Variants in TRAF7 observed in about 807,000 individuals in gnomAD.
The protein encoded by TRAF7 is E3 ubiquitin-protein ligase TRAF7.
A neutral mutation model predicts 89.3 loss-of-function variants in TRAF7; 45 were observed. That is an observed-to-expected ratio of 0.50 (90% CI 0.40 to 0.65). The LOEUF (loss-of-function observed/expected upper bound fraction) is 0.65, where lower values mean the gene tolerates loss of function less well. Ranked by LOEUF, TRAF7 falls within the 30% of genes least tolerant of loss-of-function variation. The pLI, the probability that TRAF7 is intolerant of heterozygous loss-of-function variation, is 0.00. For synonymous variants in TRAF7, 406 were observed against 369.2 expected (o/e 1.10, Z -1.14); for missense variants, 677 against 918.1 (o/e 0.74, Z 3.39).
intron 14 of TRAF7, among the ~76,000 whole-genome samples, chr16:2,174,773 GCAAGTAA>G (rs2093128434): frequency 6.6e-6 from 1 of 152,218 alleles, no homozygotes; most frequent in Non-Finnish European, 1.5e-5. Flanking sequence ...GTGGGAGCGA[GCAAGTAA>G]GCGTGTGCGT....
chr16:2,164,419 C>G (rs1162491736), intron 2 of TRAF7, among the ~76,000 whole-genome samples: 1 of 142,648 alleles, frequency 7.0e-6, no homozygotes, highest in African/African-American at 2.7e-5. Flanking sequence ...CGTGTGAGTG[C>G]TGCGTGGCCT....
At chr16:2,171,632 G>A in intron 7 of TRAF7, 27 bp downstream of exon 7, 2 of 1,613,060 alleles carry the variant, frequency 1.2e-6, no homozygotes, top group Non-Finnish European at 1.7e-6. Flanking sequence ...GCCCAGGCCT[G>A]ACGCCGACCG....
Position 2,176,329 on chromosome 16 carries a change from C to A in TRAF7, c.1943C>A (p.Ala648Glu). Residue 648 changes from alanine (A) to glutamate (E), a missense_variant, in exon 20 of 21, where the codon GCG (alanine) becomes GAG (glutamate). Around this residue, in one of 6 missense-constraint regions of TRAF7, gnomAD observed 23 missense variants for 31.7 expected, o/e 0.73. Transcript: ENST00000326181. ...CTGCGTCACCAGGGCAGTGTCACCG[C>A]GCTGGCTGTGTCCCGGGGCCGACTC... Reference protein sequence around the residue: ...TLLRHQGSVTALAVSRGRLFS... With the variant: ...TLLRHQGSVTELAVSRGRLFS... 6.2e-7 allele frequency: 1 copy of A among 1,604,688 alleles called. No homozygotes were observed. Among genetic ancestry groups the A allele is most frequent in the African/African-American group, 1.3e-5 (1 of 75,034 alleles).
intron 2 of TRAF7, 50 bp from the exon 3 acceptor site, chr16:2,165,829 T>C: frequency 6.2e-7 from 1 of 1,611,428 alleles, no homozygotes; most frequent in Non-Finnish European, 8.5e-7. Flanking sequence ...CATGTGCACG[T>C]CCTCCTTGTG....
At chr16:2,160,162 G>C (rs1170322021) in intron 1 of TRAF7, among the ~76,000 whole-genome samples, 5 of 152,050 alleles carry the variant, frequency 3.3e-5, no homozygotes, top group African/African-American at 4.8e-5. Context: ...CTACGTGAAT[G>C]TGGGGTGGAC....
intron 1 of TRAF7, among the ~76,000 whole-genome samples, chr16:2,156,450 A>G (rs2093034978): frequency 6.6e-6 from 1 of 152,126 alleles, no homozygotes; most frequent in African/African-American, 2.4e-5. Context: ...GATTGACAAT[A>G]GGTAGTTAAA....
At chr16:2,172,813 A>G (rs2093118748) in intron 9 of TRAF7, among the ~76,000 whole-genome samples, 1 of 144,966 alleles carries the variant, frequency 6.9e-6, no homozygotes, top group South Asian at 2.2e-4. Context: ...CAGCCGGCCC[A>G]GCATGGGCGG....
rs760163393 is a variant in TRAF7 at position 2,177,438 on chromosome 16, A to C, written c.*864A>C. 4 of 232,754 alleles carry C rather than the reference A, an allele frequency of 1.7e-5. No homozygotes were observed. The highest frequency in any genetic ancestry group is 3.4e-5 in the Non-Finnish European group (4 of 117,784). The allele number at this position is 232,754 out of a possible 1,614,324, so 14.4% of individuals were successfully genotyped here. A position where few individuals can be genotyped will look rare whatever the true frequency, so the allele number is the denominator to read the frequency against. On this transcript the variant is annotated 3_prime_UTR_variant, in exon 21 of 21. Transcript: ENST00000326181. ...CATTTTTTAAATTTTTTTTTTAAGA[A>C]ACGTCAAAGTTGTGCCCAACACTGT...
At chr16:2,165,289 G>A (rs868624605) in intron 2 of TRAF7, among the ~76,000 whole-genome samples, 7 of 111,292 alleles carry the variant, frequency 6.3e-5, no homozygotes, top group African/African-American at 1.9e-4. Flanking sequence ...GCTGCGTGGC[G>A]CGGCCTGGTC....
Position 2,159,134 on chromosome 16 carries a change from C to G in TRAF7, c.-39+3276C>G, listed in dbSNP as rs889508368. On this transcript the variant is annotated intron_variant, in intron 1 of 20. Transcript: ENST00000326181. The surrounding 1 kb of genome is among the most constrained non-coding windows in gnomAD (Gnocchi z 6.5). Reference sequence around the variant, plus strand: ...AGCCTTGGCCGAGCTGTGGGGACCCCCTCCCTGGAGCAGAGGGAGATACGG... The same window carrying G: ...AGCCTTGGCCGAGCTGTGGGGACCCGCTCCCTGGAGCAGAGGGAGATACGG... Among the ~76,000 whole-genome samples the G allele has an allele frequency of 6.6e-6, 1 of 152,206 alleles. No homozygotes were observed.
At position 2,158,771 on chromosome 16, in the gene TRAF7, G is replaced by A. The variant is rs537875769; in HGVS notation, c.-39+2913G>A. ...GGACTGGGAAGCGTGGGCTCGGCGG[G>A]GGGGGGGGGGACACTGCCACCCTTG... On this transcript the variant is annotated intron_variant, in intron 1 of 20. Coordinates refer to ENST00000326181, the MANE Select transcript of TRAF7 (RefSeq NM_032271.3). The surrounding 1 kb of genome is among the most constrained non-coding windows in gnomAD (Gnocchi z 4.7). Among the ~76,000 whole-genome samples the A allele has an allele frequency of 2.7e-5, 4 of 147,084 alleles. No individual in the cohort carries two copies. Among genetic ancestry groups the A allele is most frequent in the Admixed American group, 6.7e-5 (1 of 14,910 alleles).
chr16:2,157,697 G>T (rs955507312), intron 1 of TRAF7, among the ~76,000 whole-genome samples: 1 of 152,102 alleles, frequency 6.6e-6, no homozygotes, highest in Non-Finnish European at 1.5e-5. Context: ...AGAGCCTCCT[G>T]GCCAGGAGGC....
rs2141258652 is a variant in TRAF7 at position 2,155,843 on chromosome 16, G to C, written c.-54G>C. ...GCGGGCTGGCGGCGCTGCCGCTCCC[G>C]GGCGGCCGCGGGCGGGTGAGTGTCC... On this transcript the variant is annotated 5_prime_UTR_variant, in exon 1 of 21. Coordinates refer to ENST00000326181, the MANE Select transcript of TRAF7 (RefSeq NM_032271.3). 6.6e-6 allele frequency: 1 copy of C among 151,108 alleles called. No homozygotes were observed. Among genetic ancestry groups the C allele is most frequent in the African/African-American group, 2.4e-5 (1 of 41,370 alleles). 9.4% of individuals were successfully genotyped at this position (151,108 alleles called of 1,614,324 possible).
chr16:2,170,755 AGCG>A, intron 5 of TRAF7, 25 bp downstream of exon 5: 2 of 1,572,050 alleles, frequency 1.3e-6, no homozygotes, highest in Non-Finnish European at 1.7e-6. Context: ...CTCGGCGCAG[AGCG>A]GCTTCCAGGG....
At chr16:2,166,557 C>T (rs765760930) in intron 3 of TRAF7, among the ~76,000 whole-genome samples, 4 of 152,186 alleles carry the variant, frequency 2.6e-5, no homozygotes, top group Non-Finnish European at 5.9e-5. Context: ...GGCACCACCA[C>T]ACCTGGCTAA....
At chr16:2,173,711 C>T in intron 11 of TRAF7, 77 bp from the exon 12 acceptor site, 1 of 1,588,344 alleles carries the variant, frequency 6.3e-7, no homozygotes, top group Non-Finnish European at 8.6e-7. Flanking sequence ...TGGCCCAGGG[C>T]AGCAGGGGCA....
intron 1 of TRAF7, among the ~76,000 whole-genome samples, chr16:2,157,069 C>G (rs1240877597): frequency 2.0e-5 from 3 of 151,888 alleles, no homozygotes; most frequent in African/African-American, 4.8e-5. Flanking sequence ...AGCCTGTCTG[C>G]CCACCTTTCT....
intron 20 of TRAF7, 48 bp from the exon 21 acceptor site, chr16:2,176,512 G>C (rs752232338): frequency 6.2e-7 from 1 of 1,613,032 alleles, no homozygotes; most frequent in South Asian, 1.1e-5. Context: ...GGCTGGGGCA[G>C]GGCAGCCGGC....
rs1390236151 is a variant in TRAF7, at chr16:2,176,612, C to T, written c.*38C>T. 1 of 1,613,214 alleles carries T rather than the reference C, an allele frequency of 6.2e-7. No individual in the cohort carries two copies. The highest frequency in any genetic ancestry group is 8.5e-7 in the Non-Finnish European group (1 of 1,179,964). ...CAGGCTGTGGTTTCCCCTGAACCAGCCCTGGACCTTTCTGAGCCAGGCTGG... is the reference window on the plus strand; with the variant it reads ...CAGGCTGTGGTTTCCCCTGAACCAGTCCTGGACCTTTCTGAGCCAGGCTGG... On this transcript the variant is annotated 3_prime_UTR_variant, in exon 21 of 21. Coordinates refer to ENST00000326181, the MANE Select transcript of TRAF7 (RefSeq NM_032271.3).
Sources: allele counts gnomAD v4.1 joint callset (sites outside exome capture counted in the v4.1 genomes callset), GRCh38; gene constraint gnomAD v4.1.1; regional missense constraint gnomAD v4.1.1; non-coding constraint Gnocchi (gnomAD v3.1); transcripts MANE v1.5; gene names NCBI Gene and HGNC (gene_info 2026-07-23, HGNC 2026-07-21).